The following RAP1GAP2 variants were observed in gnomAD, a reference collection of about 807,000 sequenced individuals.
The protein encoded by RAP1GAP2 is RAP1 GTPase activating protein 2.
A neutral mutation model predicts 95.0 loss-of-function variants in RAP1GAP2; 27 were observed. That is an observed-to-expected ratio of 0.28 (90% confidence interval 0.21 to 0.39). The LOEUF is 0.39. Among genes scored for constraint, RAP1GAP2 ranks in the 10% least tolerant of loss-of-function variants. The pLI, the probability that RAP1GAP2 is intolerant of heterozygous loss-of-function variation, is 1.00. For missense variants in RAP1GAP2, 771 were observed against 970.0 expected, an observed-to-expected ratio of 0.79 and a Z score of 2.72; for synonymous variants, 373 against 380.9, an observed-to-expected ratio of 0.98 and a Z score of 0.24.
chr17:3,027,053 T>G lies in RAP1GAP2; in HGVS notation c.2090T>G (p.Met697Arg). The G allele has an allele frequency of 6.3e-7, 1 of 1,579,136 alleles. No homozygotes were observed. Among genetic ancestry groups the G allele is most frequent in the Non-Finnish European group, 8.6e-7 (1 of 1,162,864 alleles). The part of the protein sequence containing the change: ...SLGAAATPII[M>R]SRSPTDAKSR... Reference sequence around the variant, plus strand: ...GGGGCAGCTGCCACCCCGATCATCATGAGCCGGAGTCCCACAGGTCAGTGG... The same window carrying G: ...GGGGCAGCTGCCACCCCGATCATCAGGAGCCGGAGTCCCACAGGTCAGTGG... The change falls in exon 22 of 25, where the codon ATG (methionine) becomes AGG (arginine). Residue 697 changes from methionine (M) to arginine (R), a missense_variant. Physicochemically the swap from Met to Arg is moderately conservative, Grantham distance 91. Coordinates refer to ENST00000254695, the MANE Select transcript of RAP1GAP2 (RefSeq NM_015085.5). The surrounding 1 kb of genome is among the most constrained non-coding windows in gnomAD (Gnocchi z 5.2).
chr17:2,758,898 T>C (rs555852553), intron 1 of RAP1GAP2, among the ~76,000 whole-genome samples: 1 of 152,184 alleles, frequency 6.6e-6, no homozygotes, highest in Non-Finnish European at 1.5e-5. Context: ...CACAGCTCAC[T>C]GCAGCCTCGA....
Position 2,963,469 on chromosome 17 carries a change from G to GCCCT in RAP1GAP2, c.279+11_279+14dup. ...ATACCCCAGCATCGACGAGGTAGGT[G>GCCCT]CCCTCCCCTCACTCCCACCTGCCCT... On this transcript the variant is annotated splice_region_variant and intron_variant, in intron 6 of 24. Coordinates refer to ENST00000254695, the MANE Select transcript of RAP1GAP2 (RefSeq NM_015085.5). This position sits in a 1 kb window ranked among gnomAD's most constrained non-coding sequence, Gnocchi z 4.8. The GCCCT allele has an allele frequency of 6.2e-7, 1 of 1,613,842 alleles. No homozygotes were observed. Among genetic ancestry groups the GCCCT allele is most frequent in the Non-Finnish European group, 8.5e-7 (1 of 1,179,802 alleles).
intron 2 of RAP1GAP2, among the ~76,000 whole-genome samples, chr17:2,837,610 T>G (rs1268375549): frequency 6.9e-6 from 1 of 144,742 alleles, no homozygotes; most frequent in African/African-American, 2.5e-5. Flanking sequence ...CCTGCTTCTT[T>G]TTTTTTTTTT....
intron 2 of RAP1GAP2, among the ~76,000 whole-genome samples, chr17:2,876,868 T>C (rs2073118127): frequency 6.6e-6 from 1 of 151,402 alleles, no homozygotes. Flanking sequence ...CCTTAGAATG[T>C]TATTTTTGGT....
At chr17:2,826,126 A>G (rs1036842637) in intron 2 of RAP1GAP2, among the ~76,000 whole-genome samples, 3 of 140,884 alleles carry the variant, frequency 2.1e-5, no homozygotes, top group Non-Finnish European at 3.0e-5. Context: ...GATTACAGGC[A>G]CCCACCACCA....
chr17:3,032,427 G>A lies in RAP1GAP2; in HGVS notation c.*8G>A. On this transcript the variant is annotated 3_prime_UTR_variant, in exon 24 of 25. Transcript: ENST00000254695. ...TTGAAACAGGGTCACTAATGTGAAAGTGGAGTCCTTCGCCTGTCCAAGGTG... is the reference window on the plus strand; with the variant it reads ...TTGAAACAGGGTCACTAATGTGAAAATGGAGTCCTTCGCCTGTCCAAGGTG... 1 of 1,613,966 alleles carries A rather than the reference G, an allele frequency of 6.2e-7. No individual in the cohort carries two copies.
At chr17:2,927,279 G>C (rs12944111) in intron 3 of RAP1GAP2, among the ~76,000 whole-genome samples, 3 of 151,280 alleles carry the variant, frequency 2.0e-5, no homozygotes, top group Non-Finnish European at 4.4e-5. Flanking sequence ...TCAGCCTCCC[G>C]AGTAGCTGGG....
intron 2 of RAP1GAP2, among the ~76,000 whole-genome samples, chr17:2,844,011 T>A (rs997390671): frequency 9.2e-5 from 14 of 151,922 alleles, no homozygotes; most frequent in African/African-American, 1.9e-4. Flanking sequence ...CGCTTTTTTT[T>A]ATTTTTATTT....
rs938271361 is a variant in RAP1GAP2 at position 2,903,119 on chromosome 17, C to A, written c.81-2165C>A. ...GTCGCCCTATAGCATCTGGTGGGGG[C>A]TTGTTTTACTTCCCCTCCCTGCGTG... is the stretch of plus-strand genomic sequence containing the variant. On this transcript the variant is annotated intron_variant, in intron 2 of 24. Transcript: ENST00000254695. The surrounding 1 kb of genome is among the most constrained non-coding windows in gnomAD (Gnocchi z 4.1). Among the ~76,000 whole-genome samples the A allele has an allele frequency of 2.6e-5, 4 of 152,142 alleles. No individual in the cohort carries two copies. The highest frequency in any genetic ancestry group is 9.7e-5 in the African/African-American group (4 of 41,446).
At chr17:2,840,629 A>G (rs914850697) in intron 2 of RAP1GAP2, among the ~76,000 whole-genome samples, 1 of 152,110 alleles carries the variant, frequency 6.6e-6, no homozygotes, top group Non-Finnish European at 1.5e-5. Context: ...GACTACAGGC[A>G]TGAGCCATCA....
chr17:2,806,036 G>A (rs944990366), intron 2 of RAP1GAP2, among the ~76,000 whole-genome samples: 2 of 152,214 alleles, frequency 1.3e-5, no homozygotes, highest in African/African-American at 4.8e-5. Context: ...TGAAGCCCAT[G>A]ATGGGACCTG....
chr17:2,793,822 C>T (rs942279769), upstream of RAP1GAP2, among the ~76,000 whole-genome samples: 1 of 152,040 alleles, frequency 6.6e-6, no homozygotes, highest in African/African-American at 2.4e-5. Flanking sequence ...ATCTTTTGGC[C>T]GGGTGTGGTG....
intron 2 of RAP1GAP2, among the ~76,000 whole-genome samples, chr17:2,814,973 T>C (rs2151506221): frequency 6.6e-6 from 1 of 152,154 alleles, no homozygotes; most frequent in Admixed American, 6.5e-5. Flanking sequence ...ACAGCCCCTG[T>C]CCCACCCTGC....
At chr17:3,028,818 C>T (rs1325604756) in intron 22 of RAP1GAP2, among the ~76,000 whole-genome samples, 3 of 151,830 alleles carry the variant, frequency 2.0e-5, no homozygotes, top group South Asian at 2.1e-4. Flanking sequence ...GATTTTTTTT[C>T]GAGATGGAGT....
intron 3 of RAP1GAP2, among the ~76,000 whole-genome samples, chr17:2,933,781 G>A (rs1033923224): frequency 1.3e-5 from 2 of 152,228 alleles, no homozygotes; most frequent in African/African-American, 4.8e-5. Flanking sequence ...CCCCCACTAA[G>A]AGGCTTAGAC....
At chr17:2,838,825 T>A (rs975942069) in intron 2 of RAP1GAP2, among the ~76,000 whole-genome samples, 1 of 152,184 alleles carries the variant, frequency 6.6e-6, no homozygotes, top group Non-Finnish European at 1.5e-5. Context: ...AATGTCTCAG[T>A]TAGGGGCTAA....
exon 1 of RAP1GAP2, chr17:2,777,209 T>C (rs952664693): frequency 2.6e-5 from 4 of 152,278 alleles, no homozygotes; most frequent in African/African-American, 9.7e-5. Flanking sequence ...ATAGGGTGTG[T>C]GTGCGTGCGT....
chr17:2,890,946 A>G (rs967325974), intron 2 of RAP1GAP2, among the ~76,000 whole-genome samples: 1 of 151,684 alleles, frequency 6.6e-6, no homozygotes, highest in African/African-American at 2.4e-5. Flanking sequence ...TCGGCCTCCC[A>G]AAGTGCTGGG....
intron 2 of RAP1GAP2, among the ~76,000 whole-genome samples, chr17:2,900,059 G>A (rs867264770): frequency 7.9e-5 from 12 of 152,200 alleles, no homozygotes; most frequent in Non-Finnish European, 1.6e-4. Context: ...AAGAGAAAGC[G>A]TAGCTGAGCG....
Sources: gnomAD v4.1 joint callset for allele counts (sites outside exome capture counted in the v4.1 genomes callset) on GRCh38, gnomAD v4.1.1 for gene constraint, Gnocchi (gnomAD v3.1) non-coding constraint, MANE v1.5 for transcripts, NCBI Gene and HGNC (gene_info 2026-07-23, HGNC 2026-07-21) for gene names.